The following LRP8 variants were observed in gnomAD, a reference collection of about 807,000 sequenced individuals.
LRP8 encodes the protein LDL receptor related protein 8.
LRP8 carries 46 observed loss-of-function variants against 111.6 expected under a neutral mutation model. That is an observed-to-expected ratio of 0.41 (90% CI 0.33 to 0.53). The LOEUF (loss-of-function observed/expected upper bound fraction) is 0.53, where lower values mean the gene tolerates loss of function less well. Ranked by LOEUF, LRP8 falls within the 20% of genes least tolerant of loss-of-function variation. The pLI is 0.20. For synonymous variants in LRP8, 464 were observed against 511.2 expected (o/e 0.91, Z 1.24); for missense variants, 959 against 1,297.4 (o/e 0.74, Z 4.01).
chr1:53,322,838 T>G (rs1654691261), intron 2 of LRP8, among the ~76,000 whole-genome samples: 1 of 152,084 alleles, frequency 6.6e-6, no homozygotes, highest in African/African-American at 2.4e-5. Flanking sequence ...TTTAATTATT[T>G]ATGAGGCTGT....
Position 53,266,878 on chromosome 1 carries a change from C to G in LRP8, c.1253-231G>C. On this transcript the variant is annotated intron_variant, in intron 8 of 18. Transcript: ENST00000306052. The surrounding 1 kb of genome is among the most constrained non-coding windows in gnomAD (Gnocchi z 5.0). ...TCTTATTCTTTTTATTAGATACAAA[C>G]TTCTCCAAAATCTTTTATGGCTCCC... 2.0e-6 allele frequency: 1 copy of G among 503,614 alleles called. No homozygotes were observed. Among genetic ancestry groups the G allele is most frequent in the Middle Eastern group, 5.3e-4 (1 of 1,896 alleles). The allele number at this position is 503,614 out of a possible 1,614,324, so 31.2% of individuals were successfully genotyped here. A position where few individuals can be genotyped will look rare whatever the true frequency, so the allele number is the denominator to read the frequency against.
chr1:53,258,089 T>A, intron 14 of LRP8: 1 of 363,204 alleles, frequency 2.8e-6, no homozygotes, highest in Non-Finnish European at 5.0e-6. Flanking sequence ...ATTTAAAATG[T>A]TTTATGTATA....
intron 8 of LRP8, among the ~76,000 whole-genome samples, chr1:53,270,697 C>T (rs538563058): frequency 5.3e-5 from 8 of 152,334 alleles, no homozygotes; most frequent in South Asian, 4.1e-4. Context: ...TCTCTTTTAG[C>T]AGGCTGCCCC....
intron 3 of LRP8, among the ~76,000 whole-genome samples, chr1:53,283,253 G>A (rs1411069533): frequency 6.6e-6 from 1 of 152,028 alleles, no homozygotes; most frequent in Non-Finnish European, 1.5e-5. Flanking sequence ...TATGAGGAAC[G>A]GGCCCTCACC....
intron 2 of LRP8, among the ~76,000 whole-genome samples, chr1:53,324,757 T>C (rs1471065561): frequency 6.6e-6 from 1 of 152,184 alleles, no homozygotes; most frequent in East Asian, 1.9e-4. Flanking sequence ...AAGCCTCACA[T>C]GGAGCTGAAA....
chr1:53,326,880 G>C lies in LRP8; in HGVS notation c.237C>G (p.Asp79Glu). ...CCCTGGCCCGCCACTCACGGCAGTC[G>C]TCCTCGTCGCTGTGGTCTAAGCAGT... ...DDDCLDHSDE[D>E]DCPKKTCADS... Residue 79 changes from aspartate (D) to glutamate (E), a missense_variant, in exon 2 of 19, where the codon GAC (aspartate) becomes GAG (glutamate). Asp to Glu is a conservative substitution (Grantham distance 45). Around this residue, in one of 3 missense-constraint regions of LRP8, gnomAD observed 97 missense variants for 107.5 expected, o/e 0.90. Transcript: ENST00000306052. The C allele has an allele frequency of 6.2e-7, 1 of 1,612,550 alleles. No homozygotes were observed. The highest frequency in any genetic ancestry group is 8.5e-7 in the Non-Finnish European group (1 of 1,179,510).
intron 2 of LRP8, among the ~76,000 whole-genome samples, chr1:53,324,422 A>T (rs1572706687): frequency 6.6e-6 from 1 of 151,950 alleles, no homozygotes; most frequent in Non-Finnish European, 1.5e-5. Context: ...AGGTGGGAAC[A>T]CTCATCCATC....
Position 53,245,187 on chromosome 1 carries a change from A to G in LRP8, c.*1831T>C, listed in dbSNP as rs926258842. The G allele has an allele frequency of 4.6e-5, 7 of 152,244 alleles. No homozygotes were observed. The highest frequency in any genetic ancestry group is 1.3e-4 in the Admixed American group (2 of 15,284). 9.4% of individuals were successfully genotyped at this position (152,244 alleles called of 1,614,324 possible). ...AGGGTATCAAGCTGGTGAGACATCC[A>G]ACTTCATTGAGTTGGGGGCATCTGG... On this transcript the variant is annotated 3_prime_UTR_variant, in exon 19 of 19. Coordinates refer to ENST00000306052, the MANE Select transcript of LRP8 (RefSeq NM_004631.5).
At chr1:53,274,822 T>G (rs1174349374) in intron 6 of LRP8, 2 of 456,186 alleles carry the variant, frequency 4.4e-6, no homozygotes, top group Non-Finnish European at 8.8e-6. Flanking sequence ...AGGGTGACTC[T>G]GTTGGGCCGG....
chr1:53,309,393 C>T (rs1652588740), intron 2 of LRP8, among the ~76,000 whole-genome samples: 1 of 152,230 alleles, frequency 6.6e-6, no homozygotes, highest in Non-Finnish European at 1.5e-5. Context: ...ATTTAATCTT[C>T]CCAGCCAACA....
chr1:53,296,625 G>T (rs1439274026), intron 2 of LRP8, among the ~76,000 whole-genome samples: 1 of 152,222 alleles, frequency 6.6e-6, no homozygotes, highest in African/African-American at 2.4e-5. Flanking sequence ...TACTAACCTG[G>T]CAGGCAGATT....
chr1:53,327,201 G>C, intron 1 of LRP8: 2 of 625,304 alleles, frequency 3.2e-6, no homozygotes, highest in Non-Finnish European at 5.5e-6. Flanking sequence ...GGCGAGACCA[G>C]GCACCTACTT....
intron 8 of LRP8, among the ~76,000 whole-genome samples, chr1:53,269,323 ATTT>A (rs909395152): frequency 2.7e-5 from 4 of 147,126 alleles, no homozygotes; most frequent in Non-Finnish European, 4.5e-5. Context: ...TATTATTATT[ATTT>A]TTTTTTTTAG....
chr1:53,285,382 A>C (rs1647390568), intron 3 of LRP8, among the ~76,000 whole-genome samples: 1 of 152,170 alleles, frequency 6.6e-6, no homozygotes, highest in South Asian at 2.1e-4. Context: ...CTCTCAGGAT[A>C]ACTGAAGCCC....
chr1:53,326,046 C>G (rs1395349542), intron 2 of LRP8, among the ~76,000 whole-genome samples: 2 of 152,266 alleles, frequency 1.3e-5, no homozygotes, highest in African/African-American at 4.8e-5. Context: ...GGCCGGCAGC[C>G]GTTTCACGCG....
intron 2 of LRP8, chr1:53,305,091 A>G (rs1026482447): frequency 2.0e-5 from 3 of 152,240 alleles, no homozygotes; most frequent in African/African-American, 7.2e-5. Context: ...CTGCAAGTGA[A>G]CCTTCCTCCC....
intron 8 of LRP8, among the ~76,000 whole-genome samples, chr1:53,269,231 C>T (rs577608580): frequency 6.6e-6 from 1 of 152,314 alleles, no homozygotes; most frequent in East Asian, 1.9e-4. Context: ...CGGTTTCTGT[C>T]TCTTCAGCCT....
Position 53,327,836 on chromosome 1 carries a change from AGCT to A in LRP8, c.74_76del (p.Gln25del), listed in dbSNP as rs1475361962. ...AGCCGCTGCCGCCGCAAGATGCTGGAGCTGCAGCAGCAGCAGCAGCAGCAGCAG... is the reference window on the plus strand; with the variant it reads ...AGCCGCTGCCGCCGCAAGATGCTGGAGCAGCAGCAGCAGCAGCAGCAGCAG... On this transcript the variant is annotated inframe_deletion, in exon 1 of 19. Coordinates refer to ENST00000306052, the MANE Select transcript of LRP8 (RefSeq NM_004631.5). The A allele has an allele frequency of 6.7e-7, 1 of 1,493,294 alleles. No homozygotes were observed. Among genetic ancestry groups the A allele is most frequent in the Admixed American group, 2.0e-5 (1 of 48,984 alleles). The allele number at this position is 1,493,294 out of a possible 1,614,324, so 92.5% of individuals were successfully genotyped here.
rs546227104 is a variant in LRP8, at chr1:53,307,088, G to T, written c.245-17399C>A. Among the ~76,000 whole-genome samples, 7 of 152,130 alleles carry T rather than the reference G, an allele frequency of 4.6e-5. No homozygotes were observed. The East Asian group carries it at 7.7e-4, about 17-fold the overall frequency. ...TTGCCCCCTGAGCAATACTGAGTAG[G>T]GGGGGTGGTACTCTCTCAGAACCAC... On this transcript the variant is annotated intron_variant, in intron 2 of 18. Coordinates refer to ENST00000306052, the MANE Select transcript of LRP8 (RefSeq NM_004631.5).
Sources: allele counts gnomAD v4.1 joint callset (sites outside exome capture counted in the v4.1 genomes callset), GRCh38; gene constraint gnomAD v4.1.1; regional missense constraint gnomAD v4.1.1; non-coding constraint Gnocchi (gnomAD v3.1); transcripts MANE v1.5; gene names NCBI Gene and HGNC (gene_info 2026-07-23, HGNC 2026-07-21).